The following DLGAP4 variants were observed in gnomAD, a reference collection of about 807,000 sequenced individuals.
DLGAP4 encodes DLG associated protein 4.
DLGAP4 carries 18 observed loss-of-function variants against 86.9 expected under a neutral mutation model. The observed-to-expected ratio is 0.21, with a 90% CI of 0.14 to 0.31. The LOEUF (loss-of-function observed/expected upper bound fraction) is 0.31. Ranked by LOEUF, DLGAP4 falls within the 10% of genes least tolerant of loss-of-function variation. DLGAP4 has a pLI of 1.00. For missense variants in DLGAP4, 1,085 were observed against 1,362.6 expected, an observed-to-expected ratio of 0.80 and a Z score of 3.21; for synonymous variants, 548 against 574.3, an observed-to-expected ratio of 0.95 and a Z score of 0.65.
chr20:36,348,057 T>G (rs1247656338), intron 1 of DLGAP4, among the ~76,000 whole-genome samples: 3 of 152,168 alleles, frequency 2.0e-5, no homozygotes, highest in Non-Finnish European at 4.4e-5. Flanking sequence ...ATGTATGACC[T>G]CTAAGCTGAT....
intron 1 of DLGAP4, among the ~76,000 whole-genome samples, chr20:36,347,563 T>G (rs2147383586): frequency 6.6e-6 from 1 of 151,978 alleles, no homozygotes; most frequent in African/African-American, 2.4e-5. Flanking sequence ...ATTTTGGCAC[T>G]CTCATGGAAA....
At chr20:36,374,644 C>T (rs6029877) in intron 2 of DLGAP4, among the ~76,000 whole-genome samples, 2,863 of 152,270 alleles carry the variant, frequency 0.019, 88 homozygotes, top group African/African-American at 0.065. Context: ...ACATGGGGAA[C>T]GAGAAAAAGG....
At chr20:36,448,093 C>T (rs1050483344) in intron 7 of DLGAP4, among the ~76,000 whole-genome samples, 7 of 150,838 alleles carry the variant, frequency 4.6e-5, no homozygotes, top group Admixed American at 2.6e-4. Context: ...CAGTGGCTCA[C>T]GCCTATAATC....
At chr20:36,337,298 A>G (rs548238145) in intron 1 of DLGAP4, among the ~76,000 whole-genome samples, 43 of 139,820 alleles carry the variant, frequency 3.1e-4, no homozygotes, top group African/African-American at 1.1e-3. Context: ...ATTCATGGAA[A>G]TGACATGCTA....
At chr20:36,451,089 G>C (rs1330123652) in intron 7 of DLGAP4, among the ~76,000 whole-genome samples, 1 of 152,244 alleles carries the variant, frequency 6.6e-6, no homozygotes, top group Non-Finnish European at 1.5e-5. Context: ...TAGGGAGCTA[G>C]ATGTCTTTTG....
At chr20:36,418,515 T>C (rs1014035886) in intron 2 of DLGAP4, among the ~76,000 whole-genome samples, 1 of 152,198 alleles carries the variant, frequency 6.6e-6, no homozygotes, top group East Asian at 1.9e-4. Flanking sequence ...TCTTATCTTT[T>C]CAGTGTCTAC....
At chr20:36,436,544 C>T (rs1246028468) in intron 4 of DLGAP4, among the ~76,000 whole-genome samples, 194 bp downstream of exon 4, 1 of 152,154 alleles carries the variant, frequency 6.6e-6, no homozygotes, top group Non-Finnish European at 1.5e-5. Flanking sequence ...CCGCCCGGCG[C>T]GGTGGCTCAC....
At chr20:36,518,004 C>G (rs1207215621) in intron 10 of DLGAP4, among the ~76,000 whole-genome samples, 1 of 152,096 alleles carries the variant, frequency 6.6e-6, no homozygotes, top group Non-Finnish European at 1.5e-5. Context: ...GTGGACAGCT[C>G]ACGGTCAGGA....
chr20:36,370,667 A>C (rs1354236703), intron 2 of DLGAP4, among the ~76,000 whole-genome samples: 1 of 151,718 alleles, frequency 6.6e-6, no homozygotes, highest in East Asian at 1.9e-4. Context: ...AAATTAAAAA[A>C]AAATTAGCCA....
At position 36,375,404 on chromosome 20, in the gene DLGAP4, C is replaced by T. The variant is rs1262399769; in HGVS notation, c.-73+8129C>T. On this transcript the variant is annotated intron_variant, in intron 2 of 12. Transcript: ENST00000339266. ...TGTGTTTTATGGGTCATCTCCAATA[C>T]TTTATCATGCCCCATGGCCTTCATT... Among the ~76,000 whole-genome samples the T allele has an allele frequency of 2.0e-5, 3 of 152,208 alleles. No homozygotes were observed. In the East Asian group the frequency reaches 5.8e-4, roughly 29 times the overall value.
At chr20:36,394,413 G>A (rs1440164228) in intron 2 of DLGAP4, among the ~76,000 whole-genome samples, 2 of 146,298 alleles carry the variant, frequency 1.4e-5, no homozygotes, top group Non-Finnish European at 3.1e-5. Flanking sequence ...GGAGTACCCA[G>A]GAGCCCTGGC....
chr20:36,319,156 A>G (rs903049190), intron 1 of DLGAP4, among the ~76,000 whole-genome samples: 38 of 151,944 alleles, frequency 2.5e-4, no homozygotes, highest in Middle Eastern at 3.4e-3. Flanking sequence ...AAAGAAAAAA[A>G]AAAAAAGAAA....
At chr20:36,402,869 T>C (rs114067019) in intron 2 of DLGAP4, among the ~76,000 whole-genome samples, 105 of 152,160 alleles carry the variant, frequency 6.9e-4, no homozygotes, top group African/African-American at 2.4e-3. Context: ...ACACAGATGG[T>C]GGAGGAATTG....
chr20:36,499,996 T>TGC (rs1245599677), intron 9 of DLGAP4, among the ~76,000 whole-genome samples: 2 of 152,120 alleles, frequency 1.3e-5, no homozygotes, highest in South Asian at 2.1e-4. Flanking sequence ...CGTGTGTGTG[T>TGC]GCGTGTGGGC....
intron 2 of DLGAP4, among the ~76,000 whole-genome samples, chr20:36,382,623 G>A (rs1202802406): frequency 1.4e-5 from 2 of 146,340 alleles, no homozygotes; most frequent in South Asian, 2.2e-4. Context: ...TCTGCCTCTC[G>A]GGTTCAAGTG....
chr20:36,499,293 G>A, intron 8 of DLGAP4: 2 of 1,613,766 alleles, frequency 1.2e-6, no homozygotes. Flanking sequence ...CGGACCCAAA[G>A]CGATCGATGT....
chr20:36,358,394 C>T (rs558424377), intron 1 of DLGAP4, among the ~76,000 whole-genome samples: 87 of 152,292 alleles, frequency 5.7e-4, no homozygotes, highest in Non-Finnish European at 1.0e-3. Context: ...CCTGTCAGAC[C>T]CTGAGTACCT....
intron 2 of DLGAP4, among the ~76,000 whole-genome samples, chr20:36,408,566 G>C (rs1013017006): frequency 6.6e-6 from 1 of 152,126 alleles, no homozygotes; most frequent in African/African-American, 2.4e-5. Flanking sequence ...TTGCCTTTGC[G>C]GGAAGAGGGA....
chr20:36,509,878 C>CA lies in DLGAP4; in HGVS notation c.2512+9268dup, dbSNP rs1183402850. On this transcript the variant is annotated intron_variant, in intron 10 of 12. Transcript: ENST00000339266. ...TGCTTGTCTTTTTTTTTTTTTGAGA[C>CA]AGAGTTTTGCTCTTGTTGCCCAGGC... Among the ~76,000 whole-genome samples, 4 of 149,318 alleles carry CA rather than the reference C, an allele frequency of 2.7e-5. 1 individual carries two copies. Among genetic ancestry groups the CA allele is most frequent in the Non-Finnish European group, 5.9e-5 (4 of 67,544 alleles).
Sources: gnomAD v4.1 joint callset for allele counts (sites outside exome capture counted in the v4.1 genomes callset) on GRCh38, gnomAD v4.1.1 for gene constraint, MANE v1.5 for transcripts, NCBI Gene and HGNC (gene_info 2026-07-23, HGNC 2026-07-21) for gene names.